Variants in SLC60A1 observed in about 807,000 individuals in gnomAD.
SLC60A1 encodes the protein solute carrier family 60 member 1.
chr1:205,584,454 T>C, the SLC60A1 span, among the ~76,000 whole-genome samples: 1 of 150,560 alleles, frequency 6.6e-6, no homozygotes, highest in Non-Finnish European at 1.5e-5. Context: ...AAACTCCTGA[T>C]CTCAGGTGAT....
At chr1:205,587,898 G>A in the SLC60A1 span, among the ~76,000 whole-genome samples, 3 of 152,254 alleles carry the variant, frequency 2.0e-5, no homozygotes, top group South Asian at 6.2e-4. Flanking sequence ...GAGAGTGGGT[G>A]GAAATCTGGG....
chr1:205,579,812 G>A, the SLC60A1 span: 34 of 1,614,106 alleles, frequency 2.1e-5, no homozygotes, highest in Admixed American at 6.7e-5. Flanking sequence ...GGTGTTTGCC[G>A]TCATCCCCTT....
the SLC60A1 span, among the ~76,000 whole-genome samples, chr1:205,591,447 A>C: frequency 6.9e-6 from 1 of 145,676 alleles, no homozygotes; most frequent in Non-Finnish European, 1.5e-5. Flanking sequence ...GCACCACTGC[A>C]CTCCAATTTG....
chr1:205,584,097 T>G, the SLC60A1 span: 6 of 1,613,810 alleles, frequency 3.7e-6, no homozygotes, highest in Admixed American at 8.3e-5. Flanking sequence ...GCCTCCTCAC[T>G]GCCCCCAAAG....
At chr1:205,582,417 A>T in the SLC60A1 span, among the ~76,000 whole-genome samples, 2 of 152,262 alleles carry the variant, frequency 1.3e-5, no homozygotes, top group Admixed American at 6.5e-5. Context: ...ACGCACACAC[A>T]CATGTGCACC....
chr1:205,585,466 C>T, the SLC60A1 span, among the ~76,000 whole-genome samples: 1 of 152,154 alleles, frequency 6.6e-6, no homozygotes, highest in Non-Finnish European at 1.5e-5. The surrounding 1 kb of genome is among the most constrained non-coding windows in gnomAD (Gnocchi z 4.2). Flanking sequence ...TAGTTAGCAC[C>T]TTTTTCCAGA....
At chr1:205,580,623 A>G in the SLC60A1 span, 80 of 1,570,098 alleles carry the variant, frequency 5.1e-5, no homozygotes, top group East Asian at 9.1e-5. The surrounding 1 kb of genome is among the most constrained non-coding windows in gnomAD (Gnocchi z 5.0). Flanking sequence ...CTGAAGACTG[A>G]CCCCCACCCC....
chr1:205,581,555 G>A, the SLC60A1 span, among the ~76,000 whole-genome samples: 3 of 152,222 alleles, frequency 2.0e-5, no homozygotes, highest in Non-Finnish European at 2.9e-5. This position sits in a 1 kb window ranked among gnomAD's most constrained non-coding sequence, Gnocchi z 4.2. Flanking sequence ...AGCCCAGACT[G>A]GAGCCAGAGT....
the SLC60A1 span, among the ~76,000 whole-genome samples, chr1:205,583,528 C>T: frequency 5.3e-5 from 8 of 152,168 alleles, no homozygotes; most frequent in Admixed American, 1.3e-4. Flanking sequence ...TAACAGGTTA[C>T]GACTAAGTGA....
the SLC60A1 span, chr1:205,602,452 C>T: frequency 2.0e-5 from 3 of 152,612 alleles, no homozygotes; most frequent in South Asian, 4.1e-4. Context: ...ACCTACCCTA[C>T]CTCAAAGGAA....
the SLC60A1 span, chr1:205,597,907 T>A: frequency 1.7e-5 from 26 of 1,553,154 alleles, no homozygotes; most frequent in Non-Finnish European, 2.3e-5. Flanking sequence ...CTCTGACAGG[T>A]GAGAAGATGC....
At chr1:205,599,023 C>T in the SLC60A1 span, 1 of 1,446,150 alleles carries the variant, frequency 6.9e-7, no homozygotes, top group Non-Finnish European at 9.5e-7. Context: ...TGTGACGGGC[C>T]TCAACTTAGC....
chr1:205,593,417 G>GCCGAAATCCCGC, the SLC60A1 span, among the ~76,000 whole-genome samples: 252 of 34,128 alleles, frequency 7.4e-3, 6 homozygotes, highest in Non-Finnish European at 8.0e-3. Flanking sequence ...CTTGCAGTGA[G>GCCGAAATCCCGC]CACTCCAGCC....
At chr1:205,585,564 A>C in the SLC60A1 span, among the ~76,000 whole-genome samples, 28 of 152,360 alleles carry the variant, frequency 1.8e-4, no homozygotes, top group East Asian at 4.8e-3. This position sits in a 1 kb window ranked among gnomAD's most constrained non-coding sequence, Gnocchi z 4.2. Flanking sequence ...AGCCCTAAAA[A>C]CTTAGATGAC....
chr1:205,583,886 T>A, the SLC60A1 span: 1 of 1,548,830 alleles, frequency 6.5e-7, no homozygotes, highest in Non-Finnish European at 8.7e-7. Flanking sequence ...ATGCAGTGTG[T>A]GCAGAGGCCA....
At chr1:205,589,186 G>C in the SLC60A1 span, among the ~76,000 whole-genome samples, 2 of 152,154 alleles carry the variant, frequency 1.3e-5, no homozygotes, top group South Asian at 4.1e-4. Context: ...TCCAAACCCC[G>C]GCATCTGTCC....
chr1:205,578,182 G>A, the SLC60A1 span, among the ~76,000 whole-genome samples: 1 of 152,208 alleles, frequency 6.6e-6, no homozygotes, highest in African/African-American at 2.4e-5. Flanking sequence ...GAGTGAGGTG[G>A]TAGAAATGTC....
chr1:205,579,896 G>A, the SLC60A1 span: 1 of 1,614,150 alleles, frequency 6.2e-7, no homozygotes, highest in Non-Finnish European at 8.5e-7. Context: ...CGACACCGTG[G>A]CCAACATGCA....
At chr1:205,573,919 A>G in the SLC60A1 span, among the ~76,000 whole-genome samples, 3 of 151,506 alleles carry the variant, frequency 2.0e-5, no homozygotes, top group Non-Finnish European at 4.4e-5. Flanking sequence ...CTGCCCTCGA[A>G]CTCCTGACCT....
Sources: allele counts gnomAD v4.1 joint callset (sites outside exome capture counted in the v4.1 genomes callset), GRCh38; gene constraint gnomAD v4.1.1; non-coding constraint Gnocchi (gnomAD v3.1); transcripts MANE v1.5; gene names NCBI Gene and HGNC (gene_info 2026-07-23, HGNC 2026-07-21).